The following GOLGA4 variants were observed in gnomAD, a reference collection of about 807,000 sequenced individuals.
The protein encoded by GOLGA4 is golgin subfamily A member 4.
A neutral mutation model predicts 265.9 loss-of-function variants in GOLGA4; 169 were observed. That is an observed-to-expected ratio of 0.64 (90% confidence interval 0.56 to 0.72). GOLGA4 has a LOEUF of 0.72. GOLGA4 is among the 30% of genes least tolerant of loss of function. The pLI is 0.00. For synonymous variants in GOLGA4, 923 were observed against 855.8 expected (o/e 1.08, Z -1.37); for missense variants, 2,482 against 2,483.4 (o/e 1.00, Z 0.01).
chr3:37,296,526 G>GT (rs1054568641), intron 7 of GOLGA4, among the ~76,000 whole-genome samples: 79 of 152,148 alleles, frequency 5.2e-4, no homozygotes, highest in Admixed American at 1.8e-3. Flanking sequence ...GGTTTGTTTT[G>GT]TTTTTTTGGT....
intron 2 of GOLGA4, among the ~76,000 whole-genome samples, chr3:37,258,126 A>G (rs1156336769): frequency 2.1e-5 from 3 of 140,162 alleles, no homozygotes; most frequent in Non-Finnish European, 3.1e-5. Flanking sequence ...GTGTATATAT[A>G]TATGCTCTGT....
Position 37,328,482 on chromosome 3 carries a change from T to G in GOLGA4, c.6006T>G (p.Asn2002Lys). 1 of 1,612,838 alleles carries G rather than the reference T, an allele frequency of 6.2e-7. No individual in the cohort carries two copies. The highest frequency in any genetic ancestry group is 1.1e-5 in the South Asian group (1 of 91,036). ...STLKQLMREF[N>K]TQLAQKEQEL... ...TAAAACAGCTGATGAGGGAGTTTAATACACAGCTGGCACAAAAGGAACAAG... is the reference window on the plus strand; with the variant it reads ...TAAAACAGCTGATGAGGGAGTTTAAGACACAGCTGGCACAAAAGGAACAAG... Residue 2002 changes from asparagine to lysine, a missense_variant, in exon 15 of 24, where the codon AAT becomes AAG. By Grantham distance (94) the Asn-to-Lys change is moderately conservative. Around this residue, in one of 3 missense-constraint regions of GOLGA4, gnomAD observed 942 missense variants for 983.1 expected, o/e 0.96. Transcript: ENST00000361924.
rs1421436358 is a variant in GOLGA4, at chr3:37,323,829, A to T, written c.1943A>T (p.Lys648Met). The T allele has an allele frequency of 3.1e-6, 5 of 1,609,894 alleles. No individual in the cohort carries two copies. In the Admixed American group the frequency reaches 8.5e-5, roughly 27 times the overall value. ...YQTEMEKLRE[K>M]CEQEKETLLK... ...ACTGAAATGGAAAAACTTAGGGAAAAGTGTGAACAAGAAAAAGAAACATTG... is the reference window on the plus strand; with the variant it reads ...ACTGAAATGGAAAAACTTAGGGAAATGTGTGAACAAGAAAAAGAAACATTG... Residue 648 changes from lysine to methionine, a missense_variant, in exon 14 of 24, where the codon AAG (lysine) becomes ATG (methionine). Physicochemically the swap from Lys to Met is moderately conservative, Grantham distance 95. This residue lies in a region of GOLGA4 where 1,536 missense variants were observed against 1,483.7 expected (regional missense o/e 1.04). Transcript: ENST00000361924.
At chr3:37,313,183 A>G (rs1268440662) in intron 10 of GOLGA4, among the ~76,000 whole-genome samples, 1 of 152,118 alleles carries the variant, frequency 6.6e-6, no homozygotes, top group Non-Finnish European at 1.5e-5. Flanking sequence ...AGCTTGGGTG[A>G]CAGAATGAGA....
At chr3:37,272,345 T>C (rs1182834661) in intron 2 of GOLGA4, among the ~76,000 whole-genome samples, 1 of 152,080 alleles carries the variant, frequency 6.6e-6, no homozygotes, top group Non-Finnish European at 1.5e-5. Context: ...GAGACCAGCC[T>C]GGGCAACATG....
chr3:37,261,228 T>C (rs1438609088), intron 2 of GOLGA4, among the ~76,000 whole-genome samples: 1 of 152,178 alleles, frequency 6.6e-6, no homozygotes, highest in African/African-American at 2.4e-5. Context: ...CACAGTGGCA[T>C]GCTGCCTAAC....
chr3:37,300,723 G>T (rs960721888), intron 9 of GOLGA4, among the ~76,000 whole-genome samples: 4 of 151,822 alleles, frequency 2.6e-5, no homozygotes, highest in African/African-American at 9.7e-5. Flanking sequence ...TAAAATAAAA[G>T]ACATTATTTT....
chr3:37,330,172 T>C (rs1559444872), intron 16 of GOLGA4, among the ~76,000 whole-genome samples: 1 of 152,042 alleles, frequency 6.6e-6, no homozygotes, highest in Non-Finnish European at 1.5e-5. Flanking sequence ...TGTTGGAAGA[T>C]ACAGTAAAGC....
chr3:37,340,510 A>T (rs1014785399), intron 20 of GOLGA4, among the ~76,000 whole-genome samples: 12 of 152,130 alleles, frequency 7.9e-5, no homozygotes, highest in Non-Finnish European at 1.5e-4. Context: ...TTGGGTGGGG[A>T]ATAATACAAT....
At chr3:37,316,670 C>T (rs2096938420) in intron 11 of GOLGA4, among the ~76,000 whole-genome samples, 1 of 152,106 alleles carries the variant, frequency 6.6e-6, no homozygotes. Flanking sequence ...ATAATATAGA[C>T]ATATGGTATA....
intron 22 of GOLGA4, among the ~76,000 whole-genome samples, chr3:37,355,848 CTCTT>C (rs1208811893): frequency 6.6e-6 from 1 of 152,056 alleles, no homozygotes; most frequent in African/African-American, 2.4e-5. Flanking sequence ...CTTCAGCTCT[CTCTT>C]TCTGCTTCTT....
intron 11 of GOLGA4, among the ~76,000 whole-genome samples, chr3:37,318,358 T>G (rs1178107002): frequency 6.6e-6 from 1 of 152,180 alleles, no homozygotes; most frequent in Non-Finnish European, 1.5e-5. Flanking sequence ...ATATTATCTT[T>G]AATACACACT....
chr3:37,270,904 G>A (rs2096796942), intron 2 of GOLGA4, among the ~76,000 whole-genome samples: 1 of 151,944 alleles, frequency 6.6e-6, no homozygotes, highest in African/African-American at 2.4e-5. Context: ...TGACAATGTA[G>A]AATCAGTGGG....
At chr3:37,330,861 C>T (rs151173279) in intron 16 of GOLGA4, among the ~76,000 whole-genome samples, 4,289 of 152,008 alleles carry the variant, frequency 0.028, 145 homozygotes, top group African/African-American at 0.079. Flanking sequence ...AACTCCATCT[C>T]TACTAAAAAT....
At chr3:37,358,308 T>C (rs1215169004) in intron 22 of GOLGA4, among the ~76,000 whole-genome samples, 2 of 152,226 alleles carry the variant, frequency 1.3e-5, no homozygotes, top group Non-Finnish European at 2.9e-5. Context: ...ATCTTATCTT[T>C]ACTATACTTC....
rs756838815 is a variant in GOLGA4 at position 37,327,212 on chromosome 3, C to T, written c.5326C>T (p.Arg1776Cys). Residue 1776 changes from arginine (R) to cysteine (C), a missense_variant, in exon 14 of 24, where the codon CGC becomes TGC. By Grantham distance (180) the Arg-to-Cys change is radical. Around this residue, in one of 3 missense-constraint regions of GOLGA4, gnomAD observed 942 missense variants for 983.1 expected, o/e 0.96. Coordinates refer to ENST00000361924, the MANE Select transcript of GOLGA4 (RefSeq NM_002078.5). The part of the protein sequence containing the change: ...HFEMRCQYQE[R>C]LIKLEHAEAK... Reference sequence around the variant, plus strand: ...TGAAATGCGATGCCAATACCAGGAGCGCTTAATAAAGCTAGAACATGCTGA... The same window carrying T: ...TGAAATGCGATGCCAATACCAGGAGTGCTTAATAAAGCTAGAACATGCTGA... The T allele has an allele frequency of 2.5e-5, 41 of 1,613,612 alleles. 1 individual carries two copies. The highest frequency in any genetic ancestry group is 2.0e-4 in the South Asian group (18 of 91,070).
chr3:37,357,993 G>A (rs1205522722), intron 22 of GOLGA4, among the ~76,000 whole-genome samples: 1 of 152,076 alleles, frequency 6.6e-6, no homozygotes, highest in Non-Finnish European at 1.5e-5. Flanking sequence ...ATTAAAATCA[G>A]CAACCCTAAG....
intron 10 of GOLGA4, among the ~76,000 whole-genome samples, chr3:37,313,978 T>G (rs2096930136): frequency 6.6e-6 from 1 of 151,940 alleles, no homozygotes; most frequent in Admixed American, 6.6e-5. Flanking sequence ...TTTTTTTTTT[T>G]TTTGAGACAA....
chr3:37,253,710 A>C (rs1257427667), intron 2 of GOLGA4, among the ~76,000 whole-genome samples: 1 of 152,120 alleles, frequency 6.6e-6, no homozygotes, highest in African/African-American at 2.4e-5. Context: ...AGATTTTTAA[A>C]AAGTATTTTA....
Sources: gnomAD v4.1 joint callset for allele counts (sites outside exome capture counted in the v4.1 genomes callset) on GRCh38, gnomAD v4.1.1 for gene constraint, gnomAD v4.1.1 regional missense constraint, MANE v1.5 for transcripts, NCBI Gene and HGNC (gene_info 2026-07-23, HGNC 2026-07-21) for gene names.